SLC39A11: variants seen among roughly 807,000 people sequenced by gnomAD.
The protein encoded by SLC39A11 is solute carrier family 39 member 11, also known as zinc transporter ZIP11.
A neutral mutation model predicts 36.1 loss-of-function variants in SLC39A11; 33 were observed. That is an observed-to-expected ratio of 0.91 (90% confidence interval 0.69 to 1.22). The LOEUF is 1.22. Ranked by LOEUF, SLC39A11 falls within the 50% of genes most tolerant of loss-of-function variation. The pLI is 0.00. For synonymous variants in SLC39A11, 166 were observed against 170.3 expected (o/e 0.97, Z 0.20); for missense variants, 432 against 430.3 (o/e 1.00, Z -0.03).
intron 5 of SLC39A11, among the ~76,000 whole-genome samples, chr17:72,905,301 T>A (rs796449674): frequency 8.2e-5 from 12 of 147,094 alleles, no homozygotes; most frequent in East Asian, 4.1e-4. Flanking sequence ...TTTTTTTTTT[T>A]AAATAGTGTC....
At chr17:72,649,462 G>A (rs973982015) in intron 7 of SLC39A11, among the ~76,000 whole-genome samples, 194 bp from the exon 8 acceptor site, 4 of 152,200 alleles carry the variant, frequency 2.6e-5, no homozygotes, top group African/African-American at 9.7e-5. Flanking sequence ...AGGGAGTGAC[G>A]TGAGCCCTCT....
At chr17:73,036,779 T>C (rs533444145) in intron 3 of SLC39A11, among the ~76,000 whole-genome samples, 2 of 152,188 alleles carry the variant, frequency 1.3e-5, no homozygotes, top group Non-Finnish European at 1.5e-5. Flanking sequence ...CCACTCTTGG[T>C]GCTATACATT....
chr17:72,726,993 G>A (rs1456376689), intron 7 of SLC39A11, among the ~76,000 whole-genome samples: 1 of 152,150 alleles, frequency 6.6e-6, no homozygotes, highest in Non-Finnish European at 1.5e-5. Context: ...ACTAAAGTTC[G>A]CAGCCAGCCT....
chr17:72,836,275 C>T (rs1193299507), intron 6 of SLC39A11, among the ~76,000 whole-genome samples: 1 of 152,136 alleles, frequency 6.6e-6, no homozygotes, highest in African/African-American at 2.4e-5. Flanking sequence ...ACAGAGCTCA[C>T]CAGTGAGACA....
rs920004718 is a variant in SLC39A11, at chr17:73,048,576, C to A, written c.148-16862G>T. Among the ~76,000 whole-genome samples the A allele has an allele frequency of 2.0e-5, 3 of 152,166 alleles. No individual in the cohort carries two copies. In the South Asian group the frequency reaches 6.2e-4, roughly 31 times the overall value. On this transcript the variant is annotated intron_variant, in intron 3 of 9. Coordinates refer to ENST00000255559, the MANE Select transcript of SLC39A11 (RefSeq NM_139177.4). ...CCAGTAATGGGATTGCTGGGTCAAA[C>A]GGTAGCTCTGTTTTAAGCTCTTTGA...
chr17:73,000,601 C>A (rs550310945), intron 4 of SLC39A11, among the ~76,000 whole-genome samples: 2 of 152,182 alleles, frequency 1.3e-5, no homozygotes, highest in Non-Finnish European at 2.9e-5. Flanking sequence ...ATTCTGGGAG[C>A]TACTTGGTAT....
chr17:72,852,243 G>T (rs377521434), intron 5 of SLC39A11, among the ~76,000 whole-genome samples: 11 of 107,808 alleles, frequency 1.0e-4, no homozygotes, highest in African/African-American at 3.3e-4. Context: ...AAGAAAGAAA[G>T]AAAATCATTT....
chr17:72,963,116 G>C (rs559350119), intron 4 of SLC39A11, among the ~76,000 whole-genome samples: 19 of 152,094 alleles, frequency 1.2e-4, no homozygotes, highest in African/African-American at 4.6e-4. Context: ...TCCCATCACA[G>C]GGAGGGGCTT....
intron 6 of SLC39A11, among the ~76,000 whole-genome samples, chr17:72,769,463 A>C (rs1252819838): frequency 6.6e-6 from 1 of 152,140 alleles, no homozygotes; most frequent in Non-Finnish European, 1.5e-5. Flanking sequence ...AGGAAAACTC[A>C]AGCTGGAAAC....
At chr17:72,952,754 G>A (rs2085958100) in intron 4 of SLC39A11, among the ~76,000 whole-genome samples, 1 of 152,132 alleles carries the variant, frequency 6.6e-6, no homozygotes, top group African/African-American at 2.4e-5. Context: ...TGCAAGGTCG[G>A]CAAAGTGCGA....
chr17:73,015,003 C>T (rs547581925), intron 4 of SLC39A11, among the ~76,000 whole-genome samples: 2 of 152,352 alleles, frequency 1.3e-5, no homozygotes, highest in South Asian at 4.1e-4. Context: ...AAACTCAACA[C>T]ATGCACAGTC....
chr17:72,856,096 G>C (rs1325846466), intron 5 of SLC39A11, among the ~76,000 whole-genome samples: 1 of 151,950 alleles, frequency 6.6e-6, no homozygotes, highest in African/African-American at 2.4e-5. Context: ...TCAGAAATTG[G>C]ACAAAGTTCC....
chr17:72,701,631 A>G (rs1245690866), intron 7 of SLC39A11, among the ~76,000 whole-genome samples: 3 of 148,872 alleles, frequency 2.0e-5, no homozygotes, highest in African/African-American at 4.9e-5. Context: ...GGGAGGCTGA[A>G]GCACAAGAAT....
intron 5 of SLC39A11, among the ~76,000 whole-genome samples, chr17:72,901,948 G>T (rs2082410250): frequency 6.6e-6 from 1 of 152,106 alleles, no homozygotes; most frequent in Non-Finnish European, 1.5e-5. Flanking sequence ...GGATTGGGGT[G>T]GGCCTCAAAG....
chr17:72,868,634 A>G (rs1429608661), intron 5 of SLC39A11, among the ~76,000 whole-genome samples: 2 of 148,390 alleles, frequency 1.3e-5, no homozygotes, highest in Non-Finnish European at 3.0e-5. Flanking sequence ...AAAAAAAAAA[A>G]AAAAAAAAAA....
At chr17:73,079,308 G>A (rs551190764) in intron 3 of SLC39A11, among the ~76,000 whole-genome samples, 26 of 152,026 alleles carry the variant, frequency 1.7e-4, no homozygotes, top group Non-Finnish European at 1.3e-4. Context: ...TGTTGGTCAC[G>A]CTGGTCTCAA....
Position 72,743,201 on chromosome 17 carries a change from C to G in SLC39A11, c.602-6482G>C, listed in dbSNP as rs559590733. On this transcript the variant is annotated intron_variant, in intron 6 of 9. Transcript: ENST00000255559. ...GCCCTAGGTGACCCAGCTGGGGGGG[C>G]TAGAGCTGGGCCGTAAACCGCAGTC... 5.9e-5 allele frequency among the ~76,000 whole-genome samples: 9 copies of G among 152,198 alleles called. No individual in the cohort carries two copies. In the East Asian group the frequency reaches 1.4e-3, roughly 23 times the overall value.
At chr17:72,685,604 A>G (rs1452381299) in intron 7 of SLC39A11, among the ~76,000 whole-genome samples, 4 of 152,218 alleles carry the variant, frequency 2.6e-5, no homozygotes, top group East Asian at 1.9e-4. Flanking sequence ...GGTTTTTACC[A>G]GGTCCCCCTC....
intron 3 of SLC39A11, among the ~76,000 whole-genome samples, chr17:73,066,307 C>A (rs918757071): frequency 6.6e-6 from 1 of 152,138 alleles, no homozygotes; most frequent in African/African-American, 2.4e-5. Context: ...ATGACCGCGG[C>A]CTCATGAGTG....
Sources: allele counts gnomAD v4.1 joint callset (sites outside exome capture counted in the v4.1 genomes callset), GRCh38; gene constraint gnomAD v4.1.1; transcripts MANE v1.5; gene names NCBI Gene and HGNC (gene_info 2026-07-23, HGNC 2026-07-21).